ZMYM2: variants seen among roughly 807,000 people sequenced by gnomAD.
ZMYM2 encodes the protein zinc finger MYM-type protein 2.
ZMYM2 carries 56 observed loss-of-function variants against 162.8 expected under a neutral mutation model. That is an observed-to-expected ratio of 0.34 (90% CI 0.28 to 0.43). The LOEUF (loss-of-function observed/expected upper bound fraction) is 0.43, where lower values mean the gene tolerates loss of function less well. Ranked by LOEUF, ZMYM2 falls within the 20% of genes least tolerant of loss-of-function variation. ZMYM2 has a pLI of 1.00. For synonymous variants in ZMYM2, 510 were observed against 541.6 expected, an observed-to-expected ratio of 0.94 and a Z score of 0.81; for missense variants, 1,275 against 1,621.8, an observed-to-expected ratio of 0.79 and a Z score of 3.67.
intron 6 of ZMYM2, among the ~76,000 whole-genome samples, chr13:20,018,448 C>G (rs576340262): frequency 3.5e-4 from 54 of 152,210 alleles, no homozygotes; most frequent in African/African-American, 1.3e-3. Flanking sequence ...TCTCTGCAAC[C>G]TGGGAGCTAA....
At chr13:20,055,541 T>C (rs1472433084) in intron 14 of ZMYM2, among the ~76,000 whole-genome samples, 1 of 152,238 alleles carries the variant, frequency 6.6e-6, no homozygotes, top group African/African-American at 2.4e-5. Context: ...AAGTGCTGTC[T>C]AGTGTCACTA....
chr13:19,997,113 T>G (rs1305909789), intron 3 of ZMYM2, among the ~76,000 whole-genome samples: 1 of 152,230 alleles, frequency 6.6e-6, no homozygotes, highest in Non-Finnish European at 1.5e-5. Context: ...TTTTTGTATT[T>G]TGTTAACCTA....
At chr13:19,920,736 G>GTGTATGTA in the ZMYM2 span, among the ~76,000 whole-genome samples, 1,612 of 149,952 alleles carry the variant, frequency 0.011, 22 homozygotes, top group South Asian at 0.051. Context: ...TCATTTATGT[G>GTGTATGTA]TGTATGTATG....
chr13:20,036,671 G>A (rs775168841), intron 11 of ZMYM2, 66 bp from the exon 12 acceptor site: 2 of 1,322,620 alleles, frequency 1.5e-6, no homozygotes, highest in African/African-American at 1.5e-5. Flanking sequence ...ATTAAGATCT[G>A]TCTCTGCTCA....
chr13:19,872,755 T>C, the ZMYM2 span, among the ~76,000 whole-genome samples: 1 of 152,036 alleles, frequency 6.6e-6, no homozygotes, highest in Admixed American at 6.6e-5. Flanking sequence ...TCCCAGCACT[T>C]TGGGAGGCTG....
At chr13:19,921,559 T>C in the ZMYM2 span, among the ~76,000 whole-genome samples, 1 of 152,190 alleles carries the variant, frequency 6.6e-6, no homozygotes, top group African/African-American at 2.4e-5. Context: ...TTAATATGCT[T>C]TTTAAATTTT....
At chr13:19,975,861 A>AATGTATGTATGTATGTATGT (rs71070281) in intron 2 of ZMYM2, among the ~76,000 whole-genome samples, 34 of 147,010 alleles carry the variant, frequency 2.3e-4, no homozygotes, top group South Asian at 8.9e-4. Context: ...CCATTTTTAA[A>AATGTATGTATGTATGTATGT]ATGTATGTAT....
At chr13:19,969,405 A>G (rs1054248841) in intron 2 of ZMYM2, among the ~76,000 whole-genome samples, 3 of 152,220 alleles carry the variant, frequency 2.0e-5, no homozygotes, top group Non-Finnish European at 4.4e-5. Context: ...TGTGTGCCGT[A>G]GGAGATTTAC....
intron 2 of ZMYM2, among the ~76,000 whole-genome samples, chr13:19,989,184 A>T (rs1244589530): frequency 1.3e-5 from 2 of 152,186 alleles, no homozygotes; most frequent in African/African-American, 2.4e-5. Flanking sequence ...TATGCATAAC[A>T]TCACAGTAGT....
intron 12 of ZMYM2, among the ~76,000 whole-genome samples, chr13:20,041,110 T>C (rs1954206573): frequency 6.6e-6 from 1 of 152,124 alleles, no homozygotes; most frequent in East Asian, 1.9e-4. Context: ...GATTCTATGC[T>C]GAGTTCAGGT....
intron 15 of ZMYM2, 116 bp from the exon 16 acceptor site, chr13:20,059,330 TA>T (rs11432433): frequency 2.2e-3 from 1,682 of 747,594 alleles, no homozygotes; most frequent in Middle Eastern, 4.4e-3. Context: ...AACTGGGAAT[TA>T]AAAAAAAAAA....
chr13:20,027,450 T>G, intron 9 of ZMYM2, 132 bp downstream of exon 9: 1 of 653,498 alleles, frequency 1.5e-6, no homozygotes, highest in Non-Finnish European at 2.4e-6. Flanking sequence ...AAGGTGGATA[T>G]CCTAGTCACA....
the ZMYM2 span, among the ~76,000 whole-genome samples, chr13:19,936,088 T>G: frequency 6.6e-6 from 1 of 152,230 alleles, no homozygotes; most frequent in African/African-American, 2.4e-5. Flanking sequence ...TTGAAAATCT[T>G]AGTCTCTCCT....
chr13:20,057,880 G>A (rs570575441), intron 14 of ZMYM2, among the ~76,000 whole-genome samples: 29 of 152,054 alleles, frequency 1.9e-4, no homozygotes, highest in Non-Finnish European at 3.2e-4. Context: ...CATTTTCTCC[G>A]TATCAATAGA....
At chr13:19,937,501 T>A in the ZMYM2 span, among the ~76,000 whole-genome samples, 1 of 147,984 alleles carries the variant, frequency 6.8e-6, no homozygotes. Flanking sequence ...TCTCGTTATG[T>A]CGCTCAAGCT....
At chr13:19,948,684 T>C in the ZMYM2 span, among the ~76,000 whole-genome samples, 4 of 152,120 alleles carry the variant, frequency 2.6e-5, no homozygotes, top group African/African-American at 9.7e-5. Context: ...CTATGGACTT[T>C]GAGTAATAAT....
chr13:19,926,891 C>T, the ZMYM2 span, among the ~76,000 whole-genome samples: 13 of 152,314 alleles, frequency 8.5e-5, no homozygotes, highest in East Asian at 2.5e-3. Context: ...TGGTCTCAAA[C>T]TCCTGAGCTC....
chr13:19,947,488 C>T, the ZMYM2 span, among the ~76,000 whole-genome samples: 1 of 143,536 alleles, frequency 7.0e-6, no homozygotes, highest in Non-Finnish European at 1.5e-5. Context: ...GAGACAGAGT[C>T]TTGCTCTTGT....
At chr13:19,899,917 C>T in the ZMYM2 span, among the ~76,000 whole-genome samples, 1 of 147,292 alleles carries the variant, frequency 6.8e-6, no homozygotes, top group Non-Finnish European at 1.5e-5. Flanking sequence ...TCTTTAAGTA[C>T]ATTGACTCTG....
Sources: gnomAD v4.1 joint callset for allele counts (sites outside exome capture counted in the v4.1 genomes callset) on GRCh38, gnomAD v4.1.1 for gene constraint, MANE v1.5 for transcripts, NCBI Gene and HGNC (gene_info 2026-07-23, HGNC 2026-07-21) for gene names.